The following RPS6KB1 variants were observed in gnomAD, a reference collection of about 807,000 sequenced individuals.
RPS6KB1 encodes ribosomal protein S6 kinase B1.
Under a neutral mutation model 70.2 loss-of-function variants are expected in RPS6KB1, and 12 were observed. That is an observed-to-expected ratio of 0.17 (90% CI 0.11 to 0.28). RPS6KB1 has a LOEUF of 0.28. RPS6KB1 is among the 10% of genes least tolerant of loss of function. The pLI is 1.00. For synonymous variants in RPS6KB1, 175 were observed against 211.2 expected (o/e 0.83, Z 1.49); for missense variants, 270 against 646.6 (o/e 0.42, Z 6.32).
chr17:59,943,718 A>G (rs1055047407), intron 13 of RPS6KB1, among the ~76,000 whole-genome samples: 7 of 151,770 alleles, frequency 4.6e-5, no homozygotes, highest in African/African-American at 1.7e-4. Context: ...CTCTACTAAA[A>G]ATACAAAAAT....
At chr17:59,909,140 C>T (rs1184423792) in intron 1 of RPS6KB1, among the ~76,000 whole-genome samples, 2 of 143,990 alleles carry the variant, frequency 1.4e-5, no homozygotes, top group Non-Finnish European at 3.0e-5. Flanking sequence ...ATTGGTAAGG[C>T]TGGTCTCGAA....
chr17:59,922,594 G>A (rs1464596089), intron 4 of RPS6KB1, among the ~76,000 whole-genome samples: 1 of 137,606 alleles, frequency 7.3e-6, no homozygotes, highest in Non-Finnish European at 1.5e-5. Flanking sequence ...AGTCAGGCTG[G>A]AGTGCAGTGG....
Position 59,893,821 on chromosome 17 carries a change from A to G in RPS6KB1, c.141+496A>G. On this transcript the variant is annotated intron_variant, in intron 1 of 14. Coordinates refer to ENST00000225577, the MANE Select transcript of RPS6KB1 (RefSeq NM_003161.4). This position sits in a 1 kb window ranked among gnomAD's most constrained non-coding sequence, Gnocchi z 4.1. ...GAAGCGCTCAGCTGTTAGAAGTGAC[A>G]GCTGAAAACTTCTGTCGGGAGTAGC... The G allele has an allele frequency of 1.0e-6, 1 of 986,458 alleles. No individual in the cohort carries two copies. The highest frequency in any genetic ancestry group is 1.1e-4 in the East Asian group (1 of 8,828). The allele number at this position is 986,458 out of a possible 1,614,324, so 61.1% of individuals were successfully genotyped here. A position where few individuals can be genotyped will look rare whatever the true frequency, so the allele number is the denominator to read the frequency against.
At chr17:59,937,142 G>T (rs752835394) in intron 12 of RPS6KB1, among the ~76,000 whole-genome samples, 1 of 152,180 alleles carries the variant, frequency 6.6e-6, no homozygotes, top group African/African-American at 2.4e-5. Flanking sequence ...GATTACAGGT[G>T]TGAGCTTCTG....
chr17:59,910,468 T>A (rs569307331), intron 1 of RPS6KB1, 94 bp from the exon 2 acceptor site: 2 of 754,638 alleles, frequency 2.7e-6, no homozygotes, highest in East Asian at 5.5e-5. Context: ...GCTGGTTTAT[T>A]TCATTCATTC....
intron 1 of RPS6KB1, among the ~76,000 whole-genome samples, chr17:59,901,832 C>T (rs1182881306): frequency 1.3e-5 from 2 of 151,160 alleles, no homozygotes; most frequent in African/African-American, 2.4e-5. Flanking sequence ...GCCTGGGCAA[C>T]ATAGTGAGAC....
chr17:59,945,414 A>T lies in RPS6KB1; in HGVS notation c.1236A>T (p.Thr412=). ...ESANQVFLGF[T]YVAPSVLESV... Reference sequence around the variant, plus strand: ...CTGTTACTGTCTTTCAGGGTTTTACATATGTGGCTCCATCTGTACTTGAAA... The same window carrying T: ...CTGTTACTGTCTTTCAGGGTTTTACTTATGTGGCTCCATCTGTACTTGAAA... Residue 412 remains threonine (T), a synonymous_variant, in exon 14 of 15, where the codon ACA becomes ACT. Coordinates refer to ENST00000225577, the MANE Select transcript of RPS6KB1 (RefSeq NM_003161.4). 6.3e-6 allele frequency: 10 copies of T among 1,587,932 alleles called. No individual in the cohort carries two copies. Among genetic ancestry groups the T allele is most frequent in the Non-Finnish European group, 8.6e-6 (10 of 1,157,034 alleles).
chr17:59,919,489 C>T (rs912034545), intron 4 of RPS6KB1, among the ~76,000 whole-genome samples: 3 of 151,452 alleles, frequency 2.0e-5, no homozygotes, highest in Non-Finnish European at 4.4e-5. Flanking sequence ...GTCTGTAGAT[C>T]TTTTTTTTTC....
rs1048134025 is a variant in RPS6KB1 at position 59,911,701 on chromosome 17, C to T, written c.192-983C>T. On this transcript the variant is annotated intron_variant, in intron 2 of 14. Coordinates refer to ENST00000225577, the MANE Select transcript of RPS6KB1 (RefSeq NM_003161.4). ...CTGGGATTATAGGTTCCTGCCACCA[C>T]GCCCAGCTAATTTTTGTATTTTTAA... 5.3e-5 allele frequency among the ~76,000 whole-genome samples: 8 copies of T among 152,052 alleles called. No homozygotes were observed. In the East Asian group the frequency reaches 7.7e-4, roughly 15 times the overall value.
At chr17:59,917,226 C>T (rs1388283250) in intron 4 of RPS6KB1, among the ~76,000 whole-genome samples, 1 of 151,992 alleles carries the variant, frequency 6.6e-6, no homozygotes, top group African/African-American at 2.4e-5. Context: ...TCAAGCTATC[C>T]TCCCACCTCA....
At chr17:59,943,126 C>T (rs2044712938) in intron 13 of RPS6KB1, among the ~76,000 whole-genome samples, 1 of 152,056 alleles carries the variant, frequency 6.6e-6, no homozygotes, top group Non-Finnish European at 1.5e-5. Flanking sequence ...TATAGTCTTA[C>T]AGTATTACAT....
chr17:59,930,238 T>C (rs750920970), intron 6 of RPS6KB1, 64 bp downstream of exon 6: 7 of 894,332 alleles, frequency 7.8e-6, no homozygotes, highest in East Asian at 4.8e-5. Flanking sequence ...ATTCCCACTA[T>C]GGGCAGCCAC....
At position 59,896,382 on chromosome 17, in the gene RPS6KB1, C is replaced by T. The variant is rs560525597; in HGVS notation, c.141+3057C>T. Among the ~76,000 whole-genome samples, 8 of 152,004 alleles carry T rather than the reference C, an allele frequency of 5.3e-5. No individual in the cohort carries two copies. In the East Asian group the frequency reaches 1.6e-3, roughly 29 times the overall value. ...CTAATTTTTGTATTTTTAGTAGAGACGGGGTTTCTCCATGTTGGTCAGGCT... is the reference window on the plus strand; with the variant it reads ...CTAATTTTTGTATTTTTAGTAGAGATGGGGTTTCTCCATGTTGGTCAGGCT... On this transcript the variant is annotated intron_variant, in intron 1 of 14. Transcript: ENST00000225577.
At chr17:59,899,362 C>T (rs540362289) in intron 1 of RPS6KB1, among the ~76,000 whole-genome samples, 31 of 152,162 alleles carry the variant, frequency 2.0e-4, no homozygotes, top group East Asian at 1.9e-4. Flanking sequence ...TAGACAGTAA[C>T]GGTAGAAGTT....
At chr17:59,917,310 C>G (rs887870159) in intron 4 of RPS6KB1, among the ~76,000 whole-genome samples, 23 of 152,000 alleles carry the variant, frequency 1.5e-4, no homozygotes, top group Non-Finnish European at 2.9e-5. Flanking sequence ...GAGATGGGCA[C>G]TCACCATGTT....
chr17:59,905,483 T>G (rs968458632), intron 1 of RPS6KB1, among the ~76,000 whole-genome samples: 1 of 152,010 alleles, frequency 6.6e-6, no homozygotes, highest in Non-Finnish European at 1.5e-5. Flanking sequence ...TTAAGAATTT[T>G]ATTTTGTTGT....
intron 3 of RPS6KB1, 48 bp downstream of exon 3, chr17:59,912,852 T>C: frequency 6.3e-7 from 1 of 1,588,870 alleles, no homozygotes; most frequent in Non-Finnish European, 8.6e-7. Context: ...TTGAATAGAT[T>C]GATTTTTATG....
chr17:59,893,726 G>T lies in RPS6KB1; in HGVS notation c.141+401G>T, dbSNP rs963456602. 1 of 978,980 alleles carries T rather than the reference G, an allele frequency of 1.0e-6. No homozygotes were observed. Among genetic ancestry groups the T allele is most frequent in the African/African-American group, 1.8e-5 (1 of 57,060 alleles). 60.6% of individuals were successfully genotyped at this position (978,980 alleles called of 1,614,324 possible). ...TGTGGAGGGTTTCCCTTCGAGTCTA[G>T]AATTTCAAGTATTGAATCTTCAGAC... is the stretch of plus-strand genomic sequence containing the variant. On this transcript the variant is annotated intron_variant, in intron 1 of 14. Coordinates refer to ENST00000225577, the MANE Select transcript of RPS6KB1 (RefSeq NM_003161.4). The surrounding 1 kb of genome is among the most constrained non-coding windows in gnomAD (Gnocchi z 4.1).
At chr17:59,900,171 AACACAC>A (rs759914423) in intron 1 of RPS6KB1, among the ~76,000 whole-genome samples, 3,274 of 102,384 alleles carry the variant, frequency 0.032, 60 homozygotes, top group Admixed American at 0.041. Flanking sequence ...CTAATTGCTA[AACACAC>A]ACACACACAC....
Sources: gnomAD v4.1 joint callset for allele counts (sites outside exome capture counted in the v4.1 genomes callset) on GRCh38, gnomAD v4.1.1 for gene constraint, Gnocchi (gnomAD v3.1) non-coding constraint, MANE v1.5 for transcripts, NCBI Gene and HGNC (gene_info 2026-07-23, HGNC 2026-07-21) for gene names.